Variants in RAPGEF4 observed in about 807,000 individuals in gnomAD.
The protein encoded by RAPGEF4 is Rap guanine nucleotide exchange factor 4.
A neutral mutation model predicts 147.9 loss-of-function variants in RAPGEF4; 66 were observed. That is an observed-to-expected ratio of 0.45 (90% CI 0.37 to 0.55). RAPGEF4 has a LOEUF of 0.55. RAPGEF4 is among the 20% of genes least tolerant of loss of function. The pLI, the probability that RAPGEF4 is intolerant of heterozygous loss-of-function variation, is 0.00. For missense variants in RAPGEF4, 1,071 were observed against 1,257.3 expected, an observed-to-expected ratio of 0.85 and a Z score of 2.24; for synonymous variants, 419 against 442.7, an observed-to-expected ratio of 0.95 and a Z score of 0.67.
At chr2:173,041,671 G>C (rs1269109658) in intron 29 of RAPGEF4, among the ~76,000 whole-genome samples, 1 of 152,192 alleles carries the variant, frequency 6.6e-6, no homozygotes. Flanking sequence ...TATATGCAGT[G>C]ACATAATATC....
intron 1 of RAPGEF4, among the ~76,000 whole-genome samples, chr2:172,756,562 G>A (rs1343380396): frequency 1.3e-5 from 2 of 152,200 alleles, no homozygotes; most frequent in Non-Finnish European, 2.9e-5. Flanking sequence ...TTGGACAGGA[G>A]TCCTCTTGAC....
intron 10 of RAPGEF4, among the ~76,000 whole-genome samples, chr2:172,967,778 C>G (rs1009261618): frequency 2.0e-5 from 3 of 152,234 alleles, no homozygotes; most frequent in Admixed American, 2.0e-4. Flanking sequence ...GTGGCAGCAC[C>G]TTTCTCCCTA....
At chr2:173,023,697 A>T (rs974787438) in intron 23 of RAPGEF4, among the ~76,000 whole-genome samples, 1 of 152,192 alleles carries the variant, frequency 6.6e-6, no homozygotes, top group East Asian at 1.9e-4. Flanking sequence ...AGAACTTTGC[A>T]TATTTCTTAA....
chr2:173,002,932 G>A (rs1402048516), intron 17 of RAPGEF4, among the ~76,000 whole-genome samples: 4 of 152,134 alleles, frequency 2.6e-5, no homozygotes, highest in African/African-American at 9.7e-5. Context: ...GGATGTCTGT[G>A]CTCTTTTAAC....
chr2:172,859,038 A>G (rs1169894044), intron 4 of RAPGEF4, among the ~76,000 whole-genome samples: 2 of 152,228 alleles, frequency 1.3e-5, no homozygotes, highest in Non-Finnish European at 2.9e-5. Context: ...TAAAATGACA[A>G]GTCTGTATTT....
chr2:172,975,192 G>A, intron 10 of RAPGEF4, among the ~76,000 whole-genome samples: 1 of 152,142 alleles, frequency 6.6e-6, no homozygotes, highest in East Asian at 1.9e-4. Context: ...CTCTTTTGAA[G>A]ACTTGCTGGA....
chr2:172,842,475 G>A (rs1474897238), intron 4 of RAPGEF4, among the ~76,000 whole-genome samples: 2 of 152,184 alleles, frequency 1.3e-5, no homozygotes, highest in African/African-American at 4.8e-5. Context: ...ATTGGGTTGG[G>A]GGATGAGACA....
At chr2:172,767,464 G>T (rs950693982) in intron 1 of RAPGEF4, among the ~76,000 whole-genome samples, 4 of 151,892 alleles carry the variant, frequency 2.6e-5, no homozygotes, top group African/African-American at 9.7e-5. Flanking sequence ...CAGGCATGAG[G>T]CACTGAGCCC....
chr2:172,821,068 T>C (rs553499115), intron 4 of RAPGEF4, among the ~76,000 whole-genome samples: 6 of 152,348 alleles, frequency 3.9e-5, no homozygotes, highest in Middle Eastern at 3.4e-3. Flanking sequence ...ATAGGCTTGA[T>C]GTTTCTATCT....
At chr2:172,851,848 C>T (rs1050019457) in intron 4 of RAPGEF4, among the ~76,000 whole-genome samples, 4 of 152,078 alleles carry the variant, frequency 2.6e-5, no homozygotes, top group Admixed American at 2.0e-4. Context: ...AAGTACCTGT[C>T]GGGTACCATG....
chr2:172,993,421 TC>T (rs1299570932), intron 15 of RAPGEF4, among the ~76,000 whole-genome samples: 3 of 152,172 alleles, frequency 2.0e-5, no homozygotes, highest in Non-Finnish European at 2.9e-5. Flanking sequence ...CTCTTTCAGG[TC>T]CCCTTCTCCA....
intron 4 of RAPGEF4, among the ~76,000 whole-genome samples, chr2:172,878,810 A>G (rs1575116745): frequency 6.6e-6 from 1 of 152,348 alleles, no homozygotes; most frequent in East Asian, 1.9e-4. Context: ...GTCGATAATT[A>G]TGTAAATATC....
At chr2:172,908,757 C>T (rs186551913) in intron 4 of RAPGEF4, among the ~76,000 whole-genome samples, 9 of 152,196 alleles carry the variant, frequency 5.9e-5, no homozygotes, top group Admixed American at 3.3e-4. Context: ...TGTGGTGTGC[C>T]CTCGGCTGAG....
At chr2:172,983,345 G>A (rs1365199286) in intron 10 of RAPGEF4, 151 bp from the exon 11 acceptor site, 68 of 1,394,298 alleles carry the variant, frequency 4.9e-5, no homozygotes, top group Non-Finnish European at 6.0e-5. Context: ...ATCCCTTTAG[G>A]CATTATACTG....
chr2:172,850,262 C>A (rs1377463781), intron 4 of RAPGEF4, among the ~76,000 whole-genome samples: 1 of 151,976 alleles, frequency 6.6e-6, no homozygotes, highest in Admixed American at 6.6e-5. Context: ...GAAAAAAAAT[C>A]ATTACTTTTA....
intron 4 of RAPGEF4, among the ~76,000 whole-genome samples, chr2:172,864,622 G>C (rs1694420031): frequency 6.6e-6 from 1 of 152,216 alleles, no homozygotes; most frequent in South Asian, 2.1e-4. Context: ...AGGAGTTATT[G>C]GCCGGGCACA....
chr2:172,784,952 A>G (rs1339538600), intron 1 of RAPGEF4, among the ~76,000 whole-genome samples: 1 of 151,982 alleles, frequency 6.6e-6, no homozygotes, highest in Non-Finnish European at 1.5e-5. Context: ...CAGCCTCCCG[A>G]GTAGCTGGGA....
intron 6 of RAPGEF4, among the ~76,000 whole-genome samples, chr2:172,953,776 G>A (rs769006091): frequency 2.0e-5 from 3 of 152,180 alleles, no homozygotes; most frequent in Admixed American, 1.3e-4. Flanking sequence ...GTGGGGGTGT[G>A]AGGGTGAGAT....
At chr2:172,925,776 A>AG in intron 6 of RAPGEF4, among the ~76,000 whole-genome samples, 3 of 50,290 alleles carry the variant, frequency 6.0e-5, no homozygotes, top group Admixed American at 4.1e-4. Context: ...AGAAAGAAAG[A>AG]AAGAGAGAGA....
Sources: gnomAD v4.1 joint callset for allele counts (sites outside exome capture counted in the v4.1 genomes callset) on GRCh38, gnomAD v4.1.1 for gene constraint, MANE v1.5 for transcripts, NCBI Gene and HGNC (gene_info 2026-07-23, HGNC 2026-07-21) for gene names.